The following DPH6 variants were observed in gnomAD, a reference collection of about 807,000 sequenced individuals.
The protein encoded by DPH6 is diphthamine biosynthesis 6.
Under a neutral mutation model 38.2 loss-of-function variants are expected in DPH6, and 33 were observed. That is an observed-to-expected ratio of 0.86 (90% CI 0.65 to 1.15). DPH6 has a LOEUF of 1.15. Ranked by LOEUF, DPH6 falls within the 50% of genes most tolerant of loss-of-function variation. The pLI is 0.00. For missense variants in DPH6, 325 were observed against 320.0 expected (o/e 1.02, Z -0.12); for synonymous variants, 108 against 103.0 (o/e 1.05, Z -0.30).
downstream of DPH6, among the ~76,000 whole-genome samples, chr15:35,368,382 C>T (rs113761626): frequency 3.4e-3 from 518 of 151,924 alleles, 2 homozygotes; most frequent in African/African-American, 0.012. Context: ...ATGCTATGGC[C>T]ATATGTCAGA....
At chr15:35,228,519 T>C (rs576899415) in intron 3 of DPH6, among the ~76,000 whole-genome samples, 10 of 152,236 alleles carry the variant, frequency 6.6e-5, no homozygotes, top group African/African-American at 2.4e-4. Flanking sequence ...GCCTTGACCC[T>C]CTGGGCTCAA....
intron 3 of DPH6, among the ~76,000 whole-genome samples, chr15:35,361,030 G>C (rs555003048): frequency 6.6e-6 from 1 of 152,304 alleles, no homozygotes; most frequent in African/African-American, 2.4e-5. Flanking sequence ...TTCTAATGAA[G>C]GTATAAGCCA....
At chr15:35,326,369 A>G (rs972611242), downstream of DPH6, among the ~76,000 whole-genome samples, 8 of 152,154 alleles carry the variant, frequency 5.3e-5, no homozygotes, top group African/African-American at 1.9e-4. Flanking sequence ...TTACATACAT[A>G]ATTAATAAAT....
chr15:35,281,874 C>T (rs943326645), intron 3 of DPH6, among the ~76,000 whole-genome samples: 8 of 152,170 alleles, frequency 5.3e-5, no homozygotes, highest in Non-Finnish European at 1.2e-4. Flanking sequence ...GACATCTTCC[C>T]CTGCAACAAA....
rs2053921827 is a variant in DPH6 at position 35,450,727 on chromosome 15, A to G, written c.463T>C (p.Ser155Pro). ...ATGATCATTGCTTGAATGTTAGATG[A>G]TATCATCTCTCTGAGCAAATCTTCC... ...NQEDLLREMI[S>P]SNIQAMIIKV... Residue 155 changes from serine to proline, a missense_variant, in exon 5 of 9, where the codon TCA (serine) becomes CCA (proline). Transcript: ENST00000256538. 2.5e-6 allele frequency: 4 copies of G among 1,613,342 alleles called. No individual in the cohort carries two copies. Among genetic ancestry groups the G allele is most frequent in the Non-Finnish European group, 2.5e-6 (3 of 1,179,674 alleles).
rs1203654413 is a variant in DPH6, at chr15:35,373,419, T to A, written c.750+102A>T. On this transcript the variant is annotated intron_variant, in intron 8 of 8. Transcript: ENST00000256538. ...AAAACCACTAATGATAAAAATCAAT[T>A]TTCTTTTTCCTGTCATCTGTTGTTA... 4 of 1,009,524 alleles carry A rather than the reference T, an allele frequency of 4.0e-6. No homozygotes were observed. In the Admixed American group the frequency reaches 1.3e-4, roughly 33 times the overall value. The allele number at this position is 1,009,524 out of a possible 1,614,324, so 62.5% of individuals were successfully genotyped here. A position where few individuals can be genotyped will look rare whatever the true frequency, so the allele number is the denominator to read the frequency against.
the DPH6 span, among the ~76,000 whole-genome samples, chr15:35,199,551 C>T: frequency 6.6e-6 from 1 of 152,092 alleles, no homozygotes; most frequent in Non-Finnish European, 1.5e-5. Context: ...CATTTAACTG[C>T]TATGCATTTT....
chr15:35,464,806 C>T (rs2054108397), intron 3 of DPH6, among the ~76,000 whole-genome samples: 3 of 152,136 alleles, frequency 2.0e-5, no homozygotes, highest in Non-Finnish European at 2.9e-5. Flanking sequence ...AACCAGTGCA[C>T]TAAAGTGTCA....
chr15:35,406,454 A>G lies in DPH6; in HGVS notation c.567+4381T>C, dbSNP rs184349686. Among the ~76,000 whole-genome samples the G allele has an allele frequency of 7.2e-5, 11 of 152,178 alleles. No homozygotes were observed. In the East Asian group the frequency reaches 1.4e-3, roughly 19 times the overall value. ...ATATGATTAGCTTTGCATTTCATAT[A>G]TATCATGATGGGACTGTGGACAATT... On this transcript the variant is annotated intron_variant, in intron 6 of 8. Coordinates refer to ENST00000256538, the MANE Select transcript of DPH6 (RefSeq NM_080650.4).
intron 2 of DPH6, among the ~76,000 whole-genome samples, chr15:35,540,066 A>C (rs1426574090): frequency 6.6e-6 from 1 of 152,096 alleles, no homozygotes; most frequent in Non-Finnish European, 1.5e-5. Context: ...TACTCAAAGA[A>C]ATTTGGGCTT....
At chr15:35,353,887 C>T (rs1477243336) in intron 3 of DPH6, among the ~76,000 whole-genome samples, 7 of 152,240 alleles carry the variant, frequency 4.6e-5, no homozygotes, top group South Asian at 2.1e-4. Context: ...GCCATTTTCA[C>T]GATATTGATT....
At chr15:35,162,559 C>T in the DPH6 span, among the ~76,000 whole-genome samples, 241 of 151,986 alleles carry the variant, frequency 1.6e-3, no homozygotes, top group African/African-American at 5.5e-3. Context: ...TGTACAAATG[C>T]CACTTCCTCA....
intron 3 of DPH6, among the ~76,000 whole-genome samples, chr15:35,238,411 C>A (rs1595441027): frequency 6.6e-6 from 1 of 152,254 alleles, no homozygotes; most frequent in East Asian, 1.9e-4. Flanking sequence ...TAAGGCATTT[C>A]AATATGCATC....
At chr15:35,268,197 AAATAAATAAATAAAT>A (rs1007543582) in intron 3 of DPH6, among the ~76,000 whole-genome samples, 5 of 149,600 alleles carry the variant, frequency 3.3e-5, no homozygotes, top group Admixed American at 3.3e-4. Flanking sequence ...ATAAATAAAT[AAATAAATAAATAAAT>A]AAATAAAAGA....
chr15:35,447,748 T>C (rs934109857), intron 5 of DPH6, among the ~76,000 whole-genome samples: 2 of 152,060 alleles, frequency 1.3e-5, no homozygotes, highest in African/African-American at 2.4e-5. Context: ...CACTTTCCTT[T>C]GGTATGTGCA....
At chr15:35,439,786 GA>G (rs796079886) in intron 5 of DPH6, among the ~76,000 whole-genome samples, 123 of 142,306 alleles carry the variant, frequency 8.6e-4, no homozygotes, top group South Asian at 8.9e-4. Context: ...TTTAAAAAAG[GA>G]AAAAAAAAAA....
At chr15:35,482,571 T>C (rs765764898) in intron 3 of DPH6, among the ~76,000 whole-genome samples, 7 of 152,208 alleles carry the variant, frequency 4.6e-5, no homozygotes, top group South Asian at 2.1e-4. Flanking sequence ...TTTACATTTA[T>C]GGCCAATTGA....
chr15:35,349,919 C>T (rs936875982), intron 3 of DPH6, among the ~76,000 whole-genome samples: 11 of 152,116 alleles, frequency 7.2e-5, no homozygotes, highest in South Asian at 2.1e-4. Flanking sequence ...TTGTAGTTTT[C>T]GTTTCTTAAA....
chr15:35,208,470 C>T, the DPH6 span, among the ~76,000 whole-genome samples: 1 of 152,156 alleles, frequency 6.6e-6, no homozygotes, highest in Admixed American at 6.5e-5. Context: ...CTTGCAAACG[C>T]CACCTGTTAC....
Sources: allele counts gnomAD v4.1 joint callset (sites outside exome capture counted in the v4.1 genomes callset), GRCh38; gene constraint gnomAD v4.1.1; transcripts MANE v1.5; gene names NCBI Gene and HGNC (gene_info 2026-07-23, HGNC 2026-07-21).